The following RAB40C variants were observed in gnomAD, a reference collection of about 807,000 sequenced individuals.
The protein encoded by RAB40C is RAB40C, member RAS oncogene family.
In RAB40C, 8 loss-of-function variants were observed where a neutral mutation model predicts 28.1. The observed-to-expected ratio is 0.28, with a 90% CI of 0.17 to 0.51. RAB40C has a LOEUF of 0.51. RAB40C is among the 20% of genes least tolerant of loss of function. The probability of loss-of-function intolerance (pLI) is 0.97; values close to 1 mark genes in which losing one functional copy is unlikely to be tolerated. For missense variants in RAB40C, 288 were observed against 405.9 expected (o/e 0.71, Z 2.50); for synonymous variants, 201 against 171.7 (o/e 1.17, Z -1.34).
intron 1 of RAB40C, among the ~76,000 whole-genome samples, chr16:604,199 C>CATGT (rs2036311397): frequency 6.6e-6 from 1 of 151,860 alleles, no homozygotes; most frequent in Non-Finnish European, 1.5e-5. Context: ...GGACTACAGG[C>CATGT]ATGTACCACC....
At chr16:606,160 T>TGGCCAG (rs2036357737) in intron 1 of RAB40C, among the ~76,000 whole-genome samples, 1 of 147,880 alleles carries the variant, frequency 6.8e-6, no homozygotes, top group African/African-American at 2.5e-5. Flanking sequence ...GTCAAGGTGT[T>TGGCCAG]GGCTGACACA....
intron 3 of RAB40C, among the ~76,000 whole-genome samples, chr16:621,415 TA>T (rs139179644): frequency 0.015 from 2,287 of 152,316 alleles, 76 homozygotes; most frequent in African/African-American, 0.051. Flanking sequence ...CTCCCTCCGT[TA>T]GAGAGTGGAG....
At chr16:597,729 TC>T (rs546715458) in intron 1 of RAB40C, among the ~76,000 whole-genome samples, 387 of 151,388 alleles carry the variant, frequency 2.6e-3, no homozygotes, top group Non-Finnish European at 4.2e-3. Flanking sequence ...CTTCAAGCAA[TC>T]CGCCCGCCTC....
chr16:623,044 G>T (rs146317318), intron 3 of RAB40C, among the ~76,000 whole-genome samples: 2 of 152,044 alleles, frequency 1.3e-5, no homozygotes, highest in Admixed American at 6.6e-5. Context: ...CTGTGCCATC[G>T]CCCCTGCCCG....
chr16:625,581 C>A, intron 4 of RAB40C, 72 bp downstream of exon 4: 1 of 1,481,578 alleles, frequency 6.7e-7, no homozygotes, highest in Admixed American at 1.7e-5. Context: ...CGGGTAGGCT[C>A]TGGATTCCCG....
At position 602,228 on chromosome 16, in the gene RAB40C, C is replaced by T. The variant is rs141469646; in HGVS notation, c.142+11795C>T. ...AATTGTGGAATGAAATATATGACAA[C>T]ATTAGCAGTGGTCATCTCTGTTTTT... On this transcript the variant is annotated intron_variant, in intron 1 of 5. Coordinates refer to ENST00000248139, the MANE Select transcript of RAB40C (RefSeq NM_021168.5). Among the ~76,000 whole-genome samples, 156 of 149,556 alleles carry T rather than the reference C, an allele frequency of 1.0e-3. 1 individual carries two copies. The East Asian group carries it at 0.03, about 28-fold the overall frequency.
intron 3 of RAB40C, among the ~76,000 whole-genome samples, chr16:620,709 G>A (rs1467199768): frequency 4.8e-5 from 3 of 62,558 alleles, no homozygotes; most frequent in African/African-American, 7.4e-5. Context: ...GGGCTCCACC[G>A]CGGGCATCCC....
chr16:625,265 G>A, intron 3 of RAB40C, 167 bp from the exon 4 acceptor site: 1 of 1,452,206 alleles, frequency 6.9e-7, no homozygotes, highest in Non-Finnish European at 9.1e-7. Flanking sequence ...GTGAGGGGCA[G>A]GGCTGCACCA....
intron 1 of RAB40C, among the ~76,000 whole-genome samples, chr16:602,805 A>G: frequency 6.6e-6 from 1 of 152,208 alleles, no homozygotes; most frequent in East Asian, 1.9e-4. Context: ...CCTGGGCTCA[A>G]GTGATTCTCT....
chr16:606,734 T>C (rs903625952), intron 1 of RAB40C, among the ~76,000 whole-genome samples: 1 of 152,254 alleles, frequency 6.6e-6, no homozygotes, highest in African/African-American at 2.4e-5. Flanking sequence ...CCCTTGCCCA[T>C]CTGCAGAGCC....
At chr16:589,455 C>A (rs1011971789), upstream of RAB40C, 1 of 152,262 alleles carries the variant, frequency 6.6e-6, no homozygotes, top group Non-Finnish European at 1.5e-5. Context: ...CGCATCGCCT[C>A]GGCTCGGGCG....
rs2036870815 is a variant in RAB40C at position 627,690 on chromosome 16, C to T, written c.*68C>T. The T allele has an allele frequency of 2.7e-6, 4 of 1,483,290 alleles. No individual in the cohort carries two copies. The highest frequency in any genetic ancestry group is 2.7e-6 in the Non-Finnish European group (3 of 1,111,856). 91.9% of individuals were successfully genotyped at this position (1,483,290 alleles called of 1,614,324 possible). On this transcript the variant is annotated 3_prime_UTR_variant, in exon 6 of 6. Transcript: ENST00000248139. Reference sequence around the variant, plus strand: ...GAGCTGGACACTCCTGGCTGGACGCCAGGCCAGTGCCGCCTACGTGGAGAC... The same window carrying T: ...GAGCTGGACACTCCTGGCTGGACGCTAGGCCAGTGCCGCCTACGTGGAGAC...
rs2036458034 is a variant in RAB40C, at chr16:610,322, G to T, written c.143-6886G>T. Among the ~76,000 whole-genome samples, 1 of 151,926 alleles carries T rather than the reference G, an allele frequency of 6.6e-6. No individual in the cohort carries two copies. The highest frequency in any genetic ancestry group is 6.6e-5 in the Admixed American group (1 of 15,262). On this transcript the variant is annotated intron_variant, in intron 1 of 5. Coordinates refer to ENST00000248139, the MANE Select transcript of RAB40C (RefSeq NM_021168.5). This position sits in a 1 kb window ranked among gnomAD's most constrained non-coding sequence, Gnocchi z 4.6. ...CAGGTCGGCTGAGAGGCAGCGCCTG[G>T]CTGGGGCTAGATGAACAAGAGGGTT...
chr16:618,848 C>T (rs1471558127), intron 3 of RAB40C, among the ~76,000 whole-genome samples: 1 of 119,328 alleles, frequency 8.4e-6, no homozygotes, highest in Non-Finnish European at 1.7e-5. Flanking sequence ...TGTGTATGTG[C>T]AGGCATGTGC....
rs566525734 is a variant in RAB40C, at chr16:590,277, G to A, written c.-15G>A. 21 of 1,488,828 alleles carry A rather than the reference G, an allele frequency of 1.4e-5. No homozygotes were observed. Among genetic ancestry groups the A allele is most frequent in the Middle Eastern group, 2.4e-4 (1 of 4,152 alleles). 92.2% of individuals were successfully genotyped at this position (1,488,828 alleles called of 1,614,324 possible). A position where few individuals can be genotyped will look rare whatever the true frequency, so the allele number is the denominator to read the frequency against. The stretch of plus-strand genomic sequence containing the variant: ...CTTCGGCAGGCGGCCGGCGCGGGGC[G>A]CAGGCGGCGCGGCCATGGGCTCGCA... On this transcript the variant is annotated 5_prime_UTR_variant, in exon 1 of 6. Coordinates refer to ENST00000248139, the MANE Select transcript of RAB40C (RefSeq NM_021168.5).
intron 1 of RAB40C, among the ~76,000 whole-genome samples, chr16:613,286 G>A (rs2036521053): frequency 6.6e-6 from 1 of 151,356 alleles, no homozygotes. Context: ...AGGGACAGCT[G>A]CCCTTGCTTG....
At chr16:613,124 G>T (rs1225440323) in intron 1 of RAB40C, among the ~76,000 whole-genome samples, 2 of 125,914 alleles carry the variant, frequency 1.6e-5, no homozygotes, top group African/African-American at 6.1e-5. Flanking sequence ...CAGCCGCCCT[G>T]GCCTGTAGAA....
intron 1 of RAB40C, among the ~76,000 whole-genome samples, chr16:598,252 C>T (rs1268318450): frequency 1.3e-5 from 2 of 151,968 alleles, no homozygotes; most frequent in Non-Finnish European, 2.9e-5. Flanking sequence ...GTGGCGGGCA[C>T]CTGTAGTCCC....
intron 1 of RAB40C, among the ~76,000 whole-genome samples, chr16:614,805 G>A (rs1330134991): frequency 3.3e-5 from 5 of 151,580 alleles, no homozygotes; most frequent in East Asian, 3.9e-4. Flanking sequence ...TCGTCCCGAC[G>A]GTGAACTGCC....
Sources: gnomAD v4.1 joint callset for allele counts (sites outside exome capture counted in the v4.1 genomes callset) on GRCh38, gnomAD v4.1.1 for gene constraint, Gnocchi (gnomAD v3.1) non-coding constraint, MANE v1.5 for transcripts, NCBI Gene and HGNC (gene_info 2026-07-23, HGNC 2026-07-21) for gene names.